USP54: variants seen among roughly 807,000 people sequenced by gnomAD.
USP54 encodes ubiquitin carboxyl-terminal hydrolase 54.
Under a neutral mutation model 170.5 loss-of-function variants are expected in USP54, and 87 were observed. That is an observed-to-expected ratio of 0.51 (90% CI 0.43 to 0.61). The LOEUF is 0.61. Among genes scored for constraint, USP54 ranks in the 20% least tolerant of loss-of-function variants. The probability of loss-of-function intolerance (pLI) is 0.00; values close to 1 mark genes in which losing one functional copy is unlikely to be tolerated. For missense variants in USP54, 1,786 were observed against 2,047.8 expected (o/e 0.87, Z 2.47); for synonymous variants, 655 against 742.8 (o/e 0.88, Z 1.92).
chr10:73,530,602 G>C, intron 13 of USP54, 79 bp from the exon 14 acceptor site: 5 of 1,566,868 alleles, frequency 3.2e-6, no homozygotes, highest in South Asian at 2.4e-5. Flanking sequence ...AAAAAGCAAA[G>C]AAAAGCCCTC....
rs367939689 is a variant in USP54, at chr10:73,620,976, C to A, written c.-18+4591G>T. Among the ~76,000 whole-genome samples the A allele has an allele frequency of 2.7e-5, 4 of 149,046 alleles. No homozygotes were observed. The East Asian group carries it at 7.9e-4, about 30-fold the overall frequency. ...TTGGAGACCACCCTGGCCAACATGG[C>A]GAAACCCCGTCTCTACTAAAAATAC... On this transcript the variant is annotated intron_variant, in intron 1 of 22. Coordinates refer to the USP54 transcript ENST00000339859.
intron 8 of USP54, 46 bp downstream of exon 8, chr10:73,541,587 G>T: frequency 6.2e-7 from 1 of 1,613,166 alleles, no homozygotes; most frequent in Non-Finnish European, 8.5e-7. Flanking sequence ...TCCACTGATC[G>T]ATGGTTCCCT....
upstream of USP54, among the ~76,000 whole-genome samples, chr10:73,591,725 A>G (rs1304800375): frequency 6.6e-6 from 1 of 152,200 alleles, no homozygotes; most frequent in Non-Finnish European, 1.5e-5. Context: ...TGCTGCTTCC[A>G]AAGAAGGGCC....
chr10:73,592,224 A>G (rs567512175), upstream of USP54, among the ~76,000 whole-genome samples: 1 of 152,260 alleles, frequency 6.6e-6, no homozygotes, highest in South Asian at 2.1e-4. Flanking sequence ...AGTTTTATTG[A>G]AAGAAGTTGT....
chr10:73,500,899 T>C (rs1249009266), intron 22 of USP54, 61 bp from the exon 23 acceptor site: 10 of 1,534,620 alleles, frequency 6.5e-6, no homozygotes, highest in East Asian at 4.9e-5. Context: ...CAGGATGTAG[T>C]TGGGTAAACA....
chr10:73,499,255 A>G, intron 23 of USP54, 67 bp from the exon 24 acceptor site: 1 of 1,499,174 alleles, frequency 6.7e-7, no homozygotes, highest in Non-Finnish European at 8.9e-7. Flanking sequence ...CCAGAGAGCC[A>G]TGCCTAGCTG....
At position 73,574,910 on chromosome 10, in the gene USP54, C is replaced by T. The variant is rs146501288; in HGVS notation, c.147+602G>A. On this transcript the variant is annotated intron_variant, in intron 3 of 23. Coordinates refer to ENST00000687698, the MANE Select transcript of USP54 (RefSeq NM_001391956.1). The stretch of plus-strand genomic sequence containing the variant: ...AAAGAAAAATAGGAACCTGTAGAGA[C>T]TGTTCAGGAAAAAAAGTTGATAAAT... Among the ~76,000 whole-genome samples, 1,136 of 150,376 alleles carry T rather than the reference C, an allele frequency of 7.6e-3. 12 individuals are homozygous for T. The highest frequency in any genetic ancestry group is 0.026 in the African/African-American group (1,063 of 41,058).
intron 11 of USP54, among the ~76,000 whole-genome samples, chr10:73,535,368 G>A (rs924503151): frequency 3.9e-5 from 6 of 152,194 alleles, no homozygotes; most frequent in Middle Eastern, 3.4e-3. Flanking sequence ...ACAGGTCTGG[G>A]TGGGGTATGA....
intron 1 of USP54, among the ~76,000 whole-genome samples, chr10:73,588,782 T>C: frequency 6.6e-6 from 1 of 152,234 alleles, no homozygotes; most frequent in East Asian, 1.9e-4. Flanking sequence ...ATTTGTTCTG[T>C]GCACATGCCC....
Position 73,519,807 on chromosome 10 carries a change from G to A in USP54, c.2668C>T (p.Gln890Ter). 1 of 1,613,954 alleles carries A rather than the reference G, an allele frequency of 6.2e-7. No homozygotes were observed. The highest frequency in any genetic ancestry group is 8.5e-7 in the Non-Finnish European group (1 of 1,179,940). ...GTTCCCAAGCACTACCTTGTTGGCT[G>A]AGAGAGAGTCCCCGCCTGTGTTGGG... ...CLPTQAGTLSQPTSEQPIPLQ... is the reference protein window; with the variant it reads ...CLPTQAGTLS The change falls in exon 19 of 24, where the codon CAG becomes TAG. Residue 890 changes from glutamine (Q) to a stop codon, truncating the protein, a stop_gained. Coordinates refer to ENST00000687698, the MANE Select transcript of USP54 (RefSeq NM_001391956.1). LOFTEE classifies it high-confidence loss of function.
At chr10:73,568,907 C>G (rs370027253) in intron 4 of USP54, among the ~76,000 whole-genome samples, 1 of 152,164 alleles carries the variant, frequency 6.6e-6, no homozygotes, top group Non-Finnish European at 1.5e-5. Context: ...CTTCATCTTT[C>G]TGGCTTATAT....
intron 1 of USP54, among the ~76,000 whole-genome samples, chr10:73,588,916 T>C (rs535051060): frequency 4.6e-5 from 7 of 152,308 alleles, no homozygotes; most frequent in African/African-American, 1.7e-4. Flanking sequence ...ACTGGCTACT[T>C]ACAGTGATAG....
At chr10:73,505,626 T>C (rs2058978566) in intron 20 of USP54, 200 bp from the exon 21 acceptor site, 2 of 439,338 alleles carry the variant, frequency 4.6e-6, no homozygotes, top group Non-Finnish European at 8.2e-6. Flanking sequence ...ATCCCAGCAC[T>C]TTGGGAGGCC....
At chr10:73,592,335 T>TA (rs1407241577), upstream of USP54, among the ~76,000 whole-genome samples, 2 of 151,696 alleles carry the variant, frequency 1.3e-5, no homozygotes, top group Non-Finnish European at 2.9e-5. Flanking sequence ...ACGAGTTGAC[T>TA]AAAAAAAAGA....
intron 1 of USP54, among the ~76,000 whole-genome samples, chr10:73,613,571 A>G (rs2132322835): frequency 1.3e-5 from 2 of 152,284 alleles, no homozygotes; most frequent in Middle Eastern, 6.8e-3. Flanking sequence ...AGACGTGAAC[A>G]GTTAGAAATA....
upstream of USP54, among the ~76,000 whole-genome samples, chr10:73,594,730 C>T (rs568040333): frequency 3.7e-4 from 56 of 152,082 alleles, no homozygotes; most frequent in Non-Finnish European, 6.8e-4. Flanking sequence ...AAGCTTAATT[C>T]AGAGCTGTTA....
Position 73,533,496 on chromosome 10 carries a change from G to C in USP54, c.1315+1104C>G, listed in dbSNP as rs187768035. Among the ~76,000 whole-genome samples the C allele has an allele frequency of 3.9e-3, 588 of 151,372 alleles. 10 individuals are homozygous for C. Among genetic ancestry groups the C allele is most frequent in the African/African-American group, 0.014 (557 of 41,254 alleles). ...TACTGAAACTAGGTGATGGGTACAT[G>C]AATGGGCAGTACACTATTCTATACA... On this transcript the variant is annotated intron_variant, in intron 12 of 23. Transcript: ENST00000687698.
chr10:73,498,993 G>A lies in USP54; in HGVS notation c.4691C>T (p.Pro1564Leu). The change falls in exon 24 of 24, where the codon CCT becomes CTT. Residue 1564 changes from proline to leucine, a missense_variant. Physicochemically the swap from Pro to Leu is moderately conservative, Grantham distance 98. Around this residue, in one of 3 missense-constraint regions of USP54, gnomAD observed 1,418 missense variants for 1,569.0 expected, o/e 0.90. Coordinates refer to ENST00000687698, the MANE Select transcript of USP54 (RefSeq NM_001391956.1). ...TRFLTTPGCNPQLTYTATLPE... is the reference protein window; with the variant it reads ...TRFLTTPGCNLQLTYTATLPE... Reference sequence around the variant, plus strand: ...TAGTGTGGCAGTGTAGGTTAGTTGAGGATTGCACCCTGGAGTAGTCAGGAA... The same window carrying A: ...TAGTGTGGCAGTGTAGGTTAGTTGAAGATTGCACCCTGGAGTAGTCAGGAA... 1 of 1,614,114 alleles carries A rather than the reference G, an allele frequency of 6.2e-7. No individual in the cohort carries two copies.
intron 17 of USP54, among the ~76,000 whole-genome samples, chr10:73,522,006 GGTT>G (rs2061978781): frequency 6.6e-6 from 1 of 152,118 alleles, no homozygotes; most frequent in Non-Finnish European, 1.5e-5. Context: ...GCCTTCACAA[GGTT>G]GCAGGGAAAA....
Sources: gnomAD v4.1 joint callset for allele counts (sites outside exome capture counted in the v4.1 genomes callset) on GRCh38, gnomAD v4.1.1 for gene constraint, gnomAD v4.1.1 regional missense constraint, MANE v1.5 for transcripts, NCBI Gene and HGNC (gene_info 2026-07-23, HGNC 2026-07-21) for gene names.